GRM7: variants seen among roughly 807,000 people sequenced by gnomAD.
GRM7 encodes the protein metabotropic glutamate receptor 7.
In GRM7, 35 loss-of-function variants were observed where a neutral mutation model predicts 84.5. The observed-to-expected ratio is 0.41, with a 90% confidence interval of 0.32 to 0.55. The LOEUF is 0.55. Ranked by LOEUF, GRM7 falls within the 20% of genes least tolerant of loss-of-function variation. The probability of loss-of-function intolerance (pLI) is 0.19; values close to 1 mark genes in which losing one functional copy is unlikely to be tolerated. For synonymous variants in GRM7, 487 were observed against 455.1 expected (o/e 1.07, Z -0.89); for missense variants, 1,003 against 1,194.6 (o/e 0.84, Z 2.36).
At chr3:7,487,852 A>G (rs1699380273) in intron 7 of GRM7, among the ~76,000 whole-genome samples, 1 of 152,184 alleles carries the variant, frequency 6.6e-6, no homozygotes, top group Non-Finnish European at 1.5e-5. Flanking sequence ...CCAGAATTGT[A>G]GAGCTCTTGG....
intron 1 of GRM7, among the ~76,000 whole-genome samples, chr3:7,088,844 G>A (rs1698557162): frequency 2.0e-5 from 3 of 151,346 alleles, no homozygotes; most frequent in African/African-American, 7.3e-5. Flanking sequence ...TTTGTAAGAA[G>A]AATTTAGTTA....
At chr3:7,305,322 T>C (rs1305550207) in intron 3 of GRM7, among the ~76,000 whole-genome samples, 1 of 148,416 alleles carries the variant, frequency 6.7e-6, no homozygotes, top group African/African-American at 2.5e-5. Flanking sequence ...CTATTTCCTA[T>C]GCTGCTGCTT....
intron 9 of GRM7, among the ~76,000 whole-genome samples, chr3:7,686,766 CTCA>C (rs1465535842): frequency 6.6e-6 from 1 of 152,140 alleles, no homozygotes; most frequent in Non-Finnish European, 1.5e-5. Flanking sequence ...AAAACTATTT[CTCA>C]GTATTTCTCA....
intron 2 of GRM7, among the ~76,000 whole-genome samples, chr3:7,199,954 T>A (rs952353042): frequency 5.9e-5 from 9 of 152,158 alleles, no homozygotes; most frequent in Non-Finnish European, 1.2e-4. Flanking sequence ...GGAAAGAGGT[T>A]TATTTAGCCT....
At chr3:7,469,342 G>A (rs1698600254) in intron 7 of GRM7, among the ~76,000 whole-genome samples, 1 of 152,152 alleles carries the variant, frequency 6.6e-6, no homozygotes, top group Admixed American at 6.6e-5. Flanking sequence ...GATGATTTTG[G>A]TGTTTGTTAT....
At chr3:6,984,683 G>C (rs145384133) in intron 1 of GRM7, among the ~76,000 whole-genome samples, 68 of 152,104 alleles carry the variant, frequency 4.5e-4, no homozygotes, top group African/African-American at 1.6e-3. Flanking sequence ...CACTCACCCT[G>C]AATGTTTTTT....
chr3:7,212,340 C>A (rs2124849967), intron 2 of GRM7, among the ~76,000 whole-genome samples: 1 of 150,956 alleles, frequency 6.6e-6, no homozygotes, highest in East Asian at 1.9e-4. Context: ...TTTCTCCATT[C>A]ATTCATTCAT....
chr3:7,088,240 G>C (rs1698532151), intron 1 of GRM7, among the ~76,000 whole-genome samples: 1 of 152,138 alleles, frequency 6.6e-6, no homozygotes, highest in African/African-American at 2.4e-5. Context: ...ACTCCTGCTG[G>C]AAGAGAAAGT....
At chr3:6,981,324 G>C (rs1694192130) in intron 1 of GRM7, among the ~76,000 whole-genome samples, 1 of 152,312 alleles carries the variant, frequency 6.6e-6, no homozygotes, top group Non-Finnish European at 1.5e-5. Flanking sequence ...ACCACAACTT[G>C]TGGGCTTTCT....
At chr3:7,229,725 A>ATATATATATATATATATAT (rs1697104646) in intron 2 of GRM7, among the ~76,000 whole-genome samples, 1 of 24,766 alleles carries the variant, frequency 4.0e-5, no homozygotes, top group African/African-American at 1.9e-4. Flanking sequence ...ATAGACACAC[A>ATATATATATATATATATAT]CATATATATA....
intron 8 of GRM7, among the ~76,000 whole-genome samples, chr3:7,648,799 C>T (rs931512994): frequency 1.1e-4 from 16 of 152,286 alleles, no homozygotes; most frequent in South Asian, 2.1e-4. Flanking sequence ...GTGACAGCCA[C>T]GGTAAGACTA....
At chr3:6,957,494 T>C (rs2125077202) in intron 1 of GRM7, among the ~76,000 whole-genome samples, 1 of 152,348 alleles carries the variant, frequency 6.6e-6, no homozygotes, top group East Asian at 1.9e-4. Context: ...TTTTGTAGTG[T>C]CCCATAGGCA....
chr3:6,920,260 A>G (rs1412531743), intron 1 of GRM7, among the ~76,000 whole-genome samples: 1 of 152,194 alleles, frequency 6.6e-6, no homozygotes, highest in Non-Finnish European at 1.5e-5. Flanking sequence ...ATTAACAAAA[A>G]TGATGATTGA....
chr3:7,323,093 A>G (rs1700850089), intron 4 of GRM7, among the ~76,000 whole-genome samples: 1 of 152,136 alleles, frequency 6.6e-6, no homozygotes, highest in Non-Finnish European at 1.5e-5. Flanking sequence ...GAATTGTACA[A>G]GAGAATTGGT....
intron 8 of GRM7, among the ~76,000 whole-genome samples, chr3:7,614,142 G>A (rs570816892): frequency 2.0e-5 from 3 of 152,210 alleles, no homozygotes; most frequent in African/African-American, 7.2e-5. Flanking sequence ...GTGCGTACCT[G>A]TAATCGCAGC....
At chr3:7,162,909 AC>A (rs1192753353) in intron 2 of GRM7, among the ~76,000 whole-genome samples, 1 of 151,352 alleles carries the variant, frequency 6.6e-6, no homozygotes, top group East Asian at 1.9e-4. Context: ...ACGGGAGTGC[AC>A]CACAGTACCA....
intron 4 of GRM7, among the ~76,000 whole-genome samples, chr3:7,398,419 A>G (rs1304344577): frequency 1.3e-5 from 2 of 152,178 alleles, no homozygotes; most frequent in Non-Finnish European, 2.9e-5. Context: ...CAGAAATTAG[A>G]GAAACAAACC....
At chr3:7,646,618 G>T (rs1698654405) in intron 8 of GRM7, among the ~76,000 whole-genome samples, 1 of 152,214 alleles carries the variant, frequency 6.6e-6, no homozygotes, top group South Asian at 2.1e-4. Flanking sequence ...GTAATTTTTT[G>T]TCAACAGCTT....
chr3:6,863,343 C>G lies in GRM7; in HGVS notation c.519+1436C>G, dbSNP rs983265184. 6.6e-6 allele frequency among the ~76,000 whole-genome samples: 1 copy of G among 152,134 alleles called. No individual in the cohort carries two copies. Among genetic ancestry groups the G allele is most frequent in the Non-Finnish European group, 1.5e-5 (1 of 68,030 alleles). ...CTTTATGCTCCTCATATCTAGAGAA[C>G]CGGCCCCTCTCAAGTGCTTTCCCAA... On this transcript the variant is annotated intron_variant, in intron 1 of 9. Transcript: ENST00000357716. The surrounding 1 kb of genome is among the most constrained non-coding windows in gnomAD (Gnocchi z 4.8).
Sources: allele counts gnomAD v4.1 joint callset (sites outside exome capture counted in the v4.1 genomes callset), GRCh38; gene constraint gnomAD v4.1.1; non-coding constraint Gnocchi (gnomAD v3.1); transcripts MANE v1.5; gene names NCBI Gene and HGNC (gene_info 2026-07-23, HGNC 2026-07-21).